The following SMC6 variants were observed in gnomAD, a reference collection of about 807,000 sequenced individuals.
SMC6 encodes structural maintenance of chromosomes 6, also known as structural maintenance of chromosomes protein 6.
Under a neutral mutation model 142.2 loss-of-function variants are expected in SMC6, and 79 were observed. The ratio of observed to expected loss-of-function variants is 0.56; its 90% confidence interval spans 0.46 to 0.67. The LOEUF is 0.67. SMC6 is among the 30% of genes least tolerant of loss of function. The probability of loss-of-function intolerance (pLI) is 0.00; values close to 1 mark genes in which losing one functional copy is unlikely to be tolerated. For missense variants in SMC6, 1,072 were observed against 1,284.0 expected (o/e 0.83, Z 2.52); for synonymous variants, 411 against 412.4 (o/e 1.00, Z 0.04).
chr2:17,735,388 A>G (rs1210313667), intron 5 of SMC6, among the ~76,000 whole-genome samples: 3 of 152,242 alleles, frequency 2.0e-5, no homozygotes, highest in Non-Finnish European at 4.4e-5. Flanking sequence ...CACATCAATG[A>G]GAACAAGGAA....
intron 14 of SMC6, 93 bp downstream of exon 14, chr2:17,716,648 A>C: frequency 7.9e-7 from 1 of 1,260,394 alleles, no homozygotes; most frequent in African/African-American, 1.5e-5. Context: ...ATTATGTAGA[A>C]GAAACAACCA....
chr2:17,692,553 A>T (rs1667782209), intron 23 of SMC6, among the ~76,000 whole-genome samples: 1 of 152,224 alleles, frequency 6.6e-6, no homozygotes, highest in Non-Finnish European at 1.5e-5. Context: ...ACAAAAATTA[A>T]TTCAAGATGG....
At chr2:17,710,092 T>C (rs1668751579) in intron 16 of SMC6, among the ~76,000 whole-genome samples, 1 of 152,210 alleles carries the variant, frequency 6.6e-6, no homozygotes, top group Admixed American at 6.5e-5. Flanking sequence ...TTACGTTGGC[T>C]GCTGTACTGA....
rs1668294128 is a variant in SMC6, at chr2:17,702,037, G to C, written c.2143-128C>G. On this transcript the variant is annotated intron_variant, in intron 19 of 27. Coordinates refer to ENST00000448223, the MANE Select transcript of SMC6 (RefSeq NM_001142286.2). ...AAGGATTCCATAATTAATGAAAGGG[G>C]TACATTAGTATTAAATCAACCAAAG... 3 of 576,440 alleles carry C rather than the reference G, an allele frequency of 5.2e-6. No individual in the cohort carries two copies. In the South Asian group the frequency reaches 7.2e-5, roughly 14 times the overall value. The allele number at this position is 576,440 out of a possible 1,614,324, so 35.7% of individuals were successfully genotyped here.
chr2:17,751,115 T>C (rs1252552833), intron 2 of SMC6, among the ~76,000 whole-genome samples: 1 of 151,554 alleles, frequency 6.6e-6, no homozygotes, highest in East Asian at 1.9e-4. Flanking sequence ...TCACACTTAA[T>C]ACTAAATGCC....
intron 7 of SMC6, among the ~76,000 whole-genome samples, chr2:17,727,083 G>C (rs1669664130): frequency 6.6e-6 from 1 of 152,180 alleles, no homozygotes; most frequent in Non-Finnish European, 1.5e-5. Flanking sequence ...TTGGAAACTA[G>C]TCATTGCTTG....
chr2:17,703,085 G>A (rs544082405), intron 19 of SMC6, 72 bp downstream of exon 19: 2 of 967,854 alleles, frequency 2.1e-6, no homozygotes, highest in South Asian at 3.9e-5. Flanking sequence ...GTCAATAATG[G>A]GATCTTAAAA....
At chr2:17,709,573 A>C (rs1160956468) in intron 16 of SMC6, among the ~76,000 whole-genome samples, 1 of 152,216 alleles carries the variant, frequency 6.6e-6, no homozygotes, top group Non-Finnish European at 1.5e-5. Context: ...TACATGTTTT[A>C]TACCTATTCA....
At chr2:17,718,789 G>A (rs1368677649) in intron 11 of SMC6, among the ~76,000 whole-genome samples, 1 of 152,166 alleles carries the variant, frequency 6.6e-6, no homozygotes, top group Non-Finnish European at 1.5e-5. Context: ...AATGGCAGGA[G>A]ACGAGATGAA....
intron 2 of SMC6, 163 bp from the exon 3 acceptor site, chr2:17,746,114 G>A: frequency 1.5e-6 from 1 of 653,178 alleles, no homozygotes; most frequent in East Asian, 3.4e-5. Flanking sequence ...CTAAGGAAGA[G>A]GGACATGAGT....
chr2:17,706,421 A>T (rs1005619126), intron 18 of SMC6, among the ~76,000 whole-genome samples: 6 of 152,020 alleles, frequency 3.9e-5, no homozygotes, highest in African/African-American at 1.4e-4. Context: ...ATTTTCCTTT[A>T]TTCTGCTCTC....
intron 26 of SMC6, among the ~76,000 whole-genome samples, chr2:17,667,189 G>T (rs911407522): frequency 6.6e-6 from 1 of 152,140 alleles, no homozygotes; most frequent in African/African-American, 2.4e-5. Context: ...CAGGGTAATG[G>T]TAACAAAAGT....
intron 3 of SMC6, among the ~76,000 whole-genome samples, chr2:17,743,640 T>C (rs764398358): frequency 9.2e-5 from 14 of 152,272 alleles, no homozygotes; most frequent in South Asian, 2.1e-4. Context: ...CTCGATATTA[T>C]TGTACATTCT....
At chr2:17,722,610 T>C (rs190547497) in intron 9 of SMC6, among the ~76,000 whole-genome samples, 1 of 152,316 alleles carries the variant, frequency 6.6e-6, no homozygotes, top group Admixed American at 6.5e-5. Flanking sequence ...TCACTGCTAC[T>C]GAAACCCACC....
At position 17,714,898 on chromosome 2, in the gene SMC6, A is replaced by T; in HGVS notation, c.1693T>A (p.Ser565Thr). 1 of 1,613,058 alleles carries T rather than the reference A, an allele frequency of 6.2e-7. No homozygotes were observed. The highest frequency in any genetic ancestry group is 8.5e-7 in the Non-Finnish European group (1 of 1,179,736). The change falls in exon 16 of 28, where the codon TCT becomes ACT. Residue 565 changes from serine (S) to threonine (T), a missense_variant. Physicochemically the swap from Ser to Thr is moderately conservative, Grantham distance 58. Coordinates refer to ENST00000448223, the MANE Select transcript of SMC6 (RefSeq NM_001142286.2). The stretch of plus-strand genomic sequence containing the variant: ...TCATATATCTCATTCCGAAACTCAG[A>T]AACTATTATCGGTGGCCGTGAGGTC... ...PGTSRPPIIV[S>T]EFRNEIYDVR... is the part of the protein sequence containing the mutation.
chr2:17,722,044 A>C (rs529645088), intron 9 of SMC6, among the ~76,000 whole-genome samples: 3 of 152,276 alleles, frequency 2.0e-5, no homozygotes, highest in African/African-American at 7.2e-5. Context: ...ACCAAATTCA[A>C]CTTGGGCCTG....
At chr2:17,682,866 A>G (rs1222822917) in intron 24 of SMC6, among the ~76,000 whole-genome samples, 1 of 146,654 alleles carries the variant, frequency 6.8e-6, no homozygotes, top group Non-Finnish European at 1.5e-5. Context: ...TCACTAAGGA[A>G]TATAAGAGCT....
intron 27 of SMC6, 77 bp downstream of exon 27, chr2:17,666,343 T>C: frequency 9.2e-7 from 1 of 1,081,220 alleles, no homozygotes; most frequent in South Asian, 1.4e-5. Context: ...ATTTGTATTT[T>C]AAAAATTAAA....
chr2:17,705,074 T>A (rs1668437852), intron 18 of SMC6, among the ~76,000 whole-genome samples: 1 of 151,828 alleles, frequency 6.6e-6, no homozygotes, highest in African/African-American at 2.4e-5. Flanking sequence ...CTGATCAATA[T>A]GGTGAAACCT....
Sources: gnomAD v4.1 joint callset for allele counts (sites outside exome capture counted in the v4.1 genomes callset) on GRCh38, gnomAD v4.1.1 for gene constraint, MANE v1.5 for transcripts, NCBI Gene and HGNC (gene_info 2026-07-23, HGNC 2026-07-21) for gene names.